Variants in SNX30 observed in about 807,000 individuals in gnomAD.
SNX30 encodes sorting nexin-30.
Under a neutral mutation model 46.4 loss-of-function variants are expected in SNX30, and 24 were observed. The ratio of observed to expected loss-of-function variants is 0.52; its 90% CI spans 0.37 to 0.73. The LOEUF (loss-of-function observed/expected upper bound fraction) is 0.73. Among genes scored for constraint, SNX30 ranks in the 30% least tolerant of loss-of-function variants. The pLI is 0.00. For missense variants in SNX30, 533 were observed against 555.7 expected (o/e 0.96, Z 0.41); for synonymous variants, 189 against 211.5 (o/e 0.89, Z 0.92).
intron 2 of SNX30, among the ~76,000 whole-genome samples, chr9:112,813,020 G>A (rs1326565861): frequency 3.3e-5 from 5 of 152,058 alleles, no homozygotes; most frequent in African/African-American, 9.7e-5. Context: ...GGTGGCGCAC[G>A]CCTGTAGTCC....
At chr9:112,853,304 C>G (rs1368900017) in intron 7 of SNX30, among the ~76,000 whole-genome samples, 3 of 152,206 alleles carry the variant, frequency 2.0e-5, no homozygotes, top group African/African-American at 7.2e-5. Context: ...AGCCTTTTTC[C>G]ATCCTGTGTG....
chr9:112,776,600 G>T (rs569779146), intron 1 of SNX30, among the ~76,000 whole-genome samples: 1 of 152,298 alleles, frequency 6.6e-6, no homozygotes, highest in South Asian at 2.1e-4. Context: ...TACCACTGGG[G>T]TGCATATTTG....
Position 112,869,320 on chromosome 9 carries a change from T to A in SNX30, c.*477T>A, listed in dbSNP as rs1318044567. 1.6e-5 allele frequency: 3 copies of A among 192,704 alleles called. No individual in the cohort carries two copies. The highest frequency in any genetic ancestry group is 3.3e-5 in the Non-Finnish European group (3 of 91,368). The allele number at this position is 192,704 out of a possible 1,614,324, so 11.9% of individuals were successfully genotyped here. The stretch of plus-strand genomic sequence containing the variant: ...ATTGGCCTCTGTGGGCATTGACTCG[T>A]CTTGGCCTAGGAGGCATTGGTGCCT... On this transcript the variant is annotated 3_prime_UTR_variant, in exon 9 of 9. Transcript: ENST00000374232.
chr9:112,835,768 T>G (rs112969701), intron 4 of SNX30, among the ~76,000 whole-genome samples: 20 of 152,336 alleles, frequency 1.3e-4, no homozygotes, highest in African/African-American at 4.8e-4. Flanking sequence ...TGCCACTGTT[T>G]CCTGCTTTCC....
At chr9:112,864,447 C>T in intron 8 of SNX30, 48 bp downstream of exon 8, 4 of 1,606,512 alleles carry the variant, frequency 2.5e-6, no homozygotes, top group Non-Finnish European at 3.4e-6. Context: ...CAGAGCCTTT[C>T]ACATGGGCCT....
chr9:112,826,264 G>A (rs893784059), intron 3 of SNX30, among the ~76,000 whole-genome samples: 1 of 152,156 alleles, frequency 6.6e-6, no homozygotes, highest in African/African-American at 2.4e-5. Context: ...ACTGGGTGGG[G>A]ATAGGGCAGA....
At chr9:112,780,970 C>T (rs1028075434) in intron 1 of SNX30, among the ~76,000 whole-genome samples, 1 of 152,194 alleles carries the variant, frequency 6.6e-6, no homozygotes, top group Non-Finnish European at 1.5e-5. Context: ...CAAGATGATT[C>T]AGCCCGTCAC....
In SNX30 at chr9:112,869,493, C is replaced by T. The variant is rs1841411705; in HGVS notation, c.*650C>T. 1 of 152,218 alleles carries T rather than the reference C, an allele frequency of 6.6e-6. No homozygotes were observed. Among genetic ancestry groups the T allele is most frequent in the Non-Finnish European group, 1.5e-5 (1 of 68,108 alleles). 9.4% of individuals were successfully genotyped at this position (152,218 alleles called of 1,614,324 possible). ...TGCGTCCATGCTTGAGTGAGCAAGC[C>T]AGCGTCCTTGTCCTCCTGCAATGCC... On this transcript the variant is annotated 3_prime_UTR_variant, in exon 9 of 9. Coordinates refer to ENST00000374232, the MANE Select transcript of SNX30 (RefSeq NM_001012994.2).
intron 3 of SNX30, among the ~76,000 whole-genome samples, chr9:112,829,780 TG>T (rs959804547): frequency 1.3e-5 from 2 of 152,178 alleles, no homozygotes; most frequent in Non-Finnish European, 2.9e-5. Context: ...GTTTTGTTTT[TG>T]TTTTTTTTTA....
Position 112,863,323 on chromosome 9 carries a change from G to A in SNX30, c.1102-924G>A, listed in dbSNP as rs145970892. ...GTGGTTGGGATACATTTGGCAGGTC[G>A]GGGGTTTGACCTGGCTTTGGGCCTG... is the stretch of plus-strand genomic sequence containing the variant. On this transcript the variant is annotated intron_variant, in intron 7 of 8. Transcript: ENST00000374232. Among the ~76,000 whole-genome samples, 517 of 152,326 alleles carry A rather than the reference G, an allele frequency of 3.4e-3. 5 individuals are homozygous for A. Among genetic ancestry groups the A allele is most frequent in the African/African-American group, 0.012 (487 of 41,566 alleles).
intron 8 of SNX30, among the ~76,000 whole-genome samples, chr9:112,864,975 A>G (rs1039216385): frequency 1.8e-4 from 21 of 114,856 alleles, no homozygotes; most frequent in African/African-American, 7.0e-4. Flanking sequence ...TAAGCAGCGC[A>G]CGCACATGCG....
chr9:112,857,900 G>T (rs182770262), intron 7 of SNX30, among the ~76,000 whole-genome samples: 13 of 152,194 alleles, frequency 8.5e-5, no homozygotes, highest in African/African-American at 3.1e-4. Context: ...AATGAATGTT[G>T]AGTGAATTTA....
At chr9:112,846,684 A>G (rs886512953) in intron 6 of SNX30, among the ~76,000 whole-genome samples, 1 of 152,132 alleles carries the variant, frequency 6.6e-6, no homozygotes, top group Non-Finnish European at 1.5e-5. Context: ...CCTGGCCTAC[A>G]GGAATATGAA....
intron 3 of SNX30, among the ~76,000 whole-genome samples, chr9:112,821,415 GTA>G (rs1380420714): frequency 6.6e-6 from 1 of 151,192 alleles, no homozygotes; most frequent in African/African-American, 2.4e-5. Flanking sequence ...ATATATGTGT[GTA>G]TATATATATG....
chr9:112,794,580 C>T (rs531481763), intron 1 of SNX30, among the ~76,000 whole-genome samples: 10 of 152,210 alleles, frequency 6.6e-5, no homozygotes, highest in Non-Finnish European at 1.3e-4. Flanking sequence ...GAGGCTTTGT[C>T]AGGCTCCTCT....
downstream of SNX30, among the ~76,000 whole-genome samples, chr9:112,881,827 A>C (rs1337931121): frequency 6.6e-6 from 1 of 152,180 alleles, no homozygotes; most frequent in Admixed American, 6.5e-5. Context: ...TACCAAGGAG[A>C]ATATAGGAAG....
chr9:112,798,107 G>GTTTTTT (rs58014041), intron 1 of SNX30, among the ~76,000 whole-genome samples: 5 of 81,092 alleles, frequency 6.2e-5, no homozygotes, highest in Admixed American at 2.7e-4. Context: ...GTTGAGGTTT[G>GTTTTTT]TTTTTTTTTT....
In SNX30 at chr9:112,813,487, G is replaced by A. The variant is rs974579380; in HGVS notation, c.349-4218G>A. Among the ~76,000 whole-genome samples the A allele has an allele frequency of 8.1e-3, 176 of 21,652 alleles. 2 individuals carry two copies. Among genetic ancestry groups the A allele is most frequent in the African/African-American group, 0.03 (162 of 5,360 alleles). The allele number at this position is 21,652 out of a possible 152,430, so 14.2% of individuals were successfully genotyped here. On this transcript the variant is annotated intron_variant, in intron 2 of 8. Transcript: ENST00000374232. The stretch of plus-strand genomic sequence containing the variant: ...GTATTTAATTTTTTTTTTTTTTTTT[G>A]CGAGACAGTCTCACTCTGTCGCCCA...
At chr9:112,846,680 C>T (rs1435245689) in intron 6 of SNX30, among the ~76,000 whole-genome samples, 1 of 152,184 alleles carries the variant, frequency 6.6e-6, no homozygotes, top group Non-Finnish European at 1.5e-5. Flanking sequence ...CAGCCCTGGC[C>T]TACAGGAATA....
Sources: allele counts gnomAD v4.1 joint callset (sites outside exome capture counted in the v4.1 genomes callset), GRCh38; gene constraint gnomAD v4.1.1; transcripts MANE v1.5; gene names NCBI Gene and HGNC (gene_info 2026-07-23, HGNC 2026-07-21).